The following C4orf50 variants were observed in gnomAD, a reference collection of about 807,000 sequenced individuals.
The protein encoded by C4orf50 is uncharacterized protein C4orf50.
C4orf50 carries 80 observed loss-of-function variants against 77.2 expected under a neutral mutation model. That is an observed-to-expected ratio of 1.04 (90% confidence interval 0.87 to 1.25). The LOEUF (loss-of-function observed/expected upper bound fraction) is 1.25. C4orf50 is among the 50% of genes most tolerant of loss of function. The probability of loss-of-function intolerance (pLI) is 0.00; values close to 1 mark genes in which losing one functional copy is unlikely to be tolerated. For synonymous variants in C4orf50, 532 were observed against 465.3 expected, an observed-to-expected ratio of 1.14 and a Z score of -1.84; for missense variants, 1,257 against 1,152.9, an observed-to-expected ratio of 1.09 and a Z score of -1.31.
chr4:5,960,434 C>T (rs1719210385), intron 33 of C4orf50, among the ~76,000 whole-genome samples: 1 of 152,222 alleles, frequency 6.6e-6, no homozygotes, highest in Non-Finnish European at 1.5e-5. Flanking sequence ...ATGGAGCCGA[C>T]TTCTCCACCA....
intron 7 of C4orf50, among the ~76,000 whole-genome samples, chr4:5,911,158 C>T (rs1431289466): frequency 6.6e-6 from 1 of 152,132 alleles, no homozygotes; most frequent in Non-Finnish European, 1.5e-5. Flanking sequence ...ATCCACCTGC[C>T]TCGGCCTCCC....
intron 24 of C4orf50, among the ~76,000 whole-genome samples, chr4:6,010,113 C>A (rs527872710): frequency 1.3e-5 from 2 of 152,152 alleles, no homozygotes; most frequent in Non-Finnish European, 2.9e-5. Flanking sequence ...GGGTCCAATT[C>A]ACCTCGGAAA....
chr4:5,912,541 A>G (rs549797872), intron 7 of C4orf50, among the ~76,000 whole-genome samples: 1 of 152,320 alleles, frequency 6.6e-6, no homozygotes, highest in South Asian at 2.1e-4. Context: ...ATGGTGAAAG[A>G]GTGCACCAGT....
At chr4:5,968,112 G>A (rs58342227) in intron 31 of C4orf50, among the ~76,000 whole-genome samples, 38 of 152,278 alleles carry the variant, frequency 2.5e-4, no homozygotes, top group African/African-American at 9.1e-4. Context: ...ACTCTTTCCT[G>A]TCTCCACTTC....
At chr4:5,903,279 C>G (rs578152039) in intron 7 of C4orf50, 1 of 152,222 alleles carries the variant, frequency 6.6e-6, no homozygotes, top group South Asian at 2.1e-4. Flanking sequence ...TATATGAAAT[C>G]TCTTGGTTTT....
At chr4:5,972,098 G>C (rs543310792) in intron 31 of C4orf50, among the ~76,000 whole-genome samples, 19 of 149,902 alleles carry the variant, frequency 1.3e-4, no homozygotes, top group African/African-American at 3.4e-4. Context: ...TCCACTTCCC[G>C]GGTTCAAGAG....
rs530952157 is a variant in C4orf50 at position 6,000,928 on chromosome 4, G to A, written c.964-6452C>T. On this transcript the variant is annotated intron_variant, in intron 25 of 33. Transcript: ENST00000531445. This position sits in a 1 kb window ranked among gnomAD's most constrained non-coding sequence, Gnocchi z 6.0. The stretch of plus-strand genomic sequence containing the variant: ...CCCCAAAGGGATGTTATTAGGAAGC[G>A]GTGCTGAGTCCCCTCCAAGGGCAAC... Among the ~76,000 whole-genome samples, 251 of 152,286 alleles carry A rather than the reference G, an allele frequency of 1.6e-3. 1 individual carries two copies. The highest frequency in any genetic ancestry group is 5.7e-3 in the African/African-American group (237 of 41,552).
At position 5,908,499 on chromosome 4, in the gene C4orf50, T is replaced by G. The variant is rs1244435579; in HGVS notation, c.*2475-10311A>C. On this transcript the variant is annotated intron_variant, in intron 7 of 7. Transcript: ENST00000324058. This position sits in a 1 kb window ranked among gnomAD's most constrained non-coding sequence, Gnocchi z 5.6. ...ACTAGGCTACAGCCTCCCTTCAGAG[T>G]CCAGTGGAGGAAGCAAATGTGTGAA... Among the ~76,000 whole-genome samples the G allele has an allele frequency of 6.6e-6, 1 of 151,596 alleles. No homozygotes were observed. The highest frequency in any genetic ancestry group is 1.5e-5 in the Non-Finnish European group (1 of 67,942).
intron 7 of C4orf50, among the ~76,000 whole-genome samples, chr4:5,924,419 G>A (rs1482743936): frequency 2.0e-5 from 3 of 152,142 alleles, no homozygotes; most frequent in Non-Finnish European, 4.4e-5. Flanking sequence ...CTATCTTAGC[G>A]AGAACTGGGA....
chr4:5,953,302 G>C (rs1320381955), downstream of C4orf50, among the ~76,000 whole-genome samples: 2 of 152,138 alleles, frequency 1.3e-5, no homozygotes, highest in Non-Finnish European at 2.9e-5. Flanking sequence ...ACTGAGTTTG[G>C]GCTGGTTTCT....
At chr4:5,988,529 T>C in exon 28 of C4orf50, 1 of 1,537,740 alleles carries the variant, frequency 6.5e-7, no homozygotes, top group Non-Finnish European at 8.7e-7. Flanking sequence ...GCACCGCGTC[T>C]GGAATTCCCG....
rs1298682909 is a variant in C4orf50 at position 5,970,251 on chromosome 4, A to G, written c.4105-2789T>C. ...TGAGCCCTGCTCACTCAAGGCGTCC[A>G]GGGGACAAGGCGGAATTAAGAACTC... is the stretch of plus-strand genomic sequence containing the variant. On this transcript the variant is annotated intron_variant, in intron 31 of 33. Transcript: ENST00000531445. This position sits in a 1 kb window ranked among gnomAD's most constrained non-coding sequence, Gnocchi z 4.3. Among the ~76,000 whole-genome samples the G allele has an allele frequency of 1.3e-5, 2 of 152,126 alleles. No individual in the cohort carries two copies. Among genetic ancestry groups the G allele is most frequent in the Non-Finnish European group, 2.9e-5 (2 of 68,018 alleles).
intron 32 of C4orf50, among the ~76,000 whole-genome samples, chr4:5,966,881 C>T (rs1438424618): frequency 3.3e-5 from 5 of 152,096 alleles, no homozygotes; most frequent in Non-Finnish European, 2.9e-5. Context: ...ATCTCTTGAC[C>T]TCGTGATCCG....
intron 32 of C4orf50, among the ~76,000 whole-genome samples, chr4:5,965,446 C>T (rs1184162693): frequency 1.3e-5 from 2 of 152,228 alleles, no homozygotes; most frequent in African/African-American, 4.8e-5. Flanking sequence ...CTTTGCAAGC[C>T]GGCTTAGCTT....
At position 5,905,083 on chromosome 4, in the gene C4orf50, T is replaced by C. The variant is rs1023590732; in HGVS notation, c.*2475-6895A>G. On this transcript the variant is annotated intron_variant, in intron 7 of 7. Coordinates refer to the C4orf50 transcript ENST00000324058. The surrounding 1 kb of genome is among the most constrained non-coding windows in gnomAD (Gnocchi z 5.4). The stretch of plus-strand genomic sequence containing the variant: ...TCAGAGCAAAACTGTCAAGTAGGCA[T>C]ATGACCCTCAAACAGACGAAGAAGA... The C allele has an allele frequency of 1.3e-5, 2 of 152,210 alleles. No individual in the cohort carries two copies. The highest frequency in any genetic ancestry group is 2.9e-5 in the Non-Finnish European group (2 of 68,042). 9.4% of individuals were successfully genotyped at this position (152,210 alleles called of 1,614,324 possible). A position where few individuals can be genotyped will look rare whatever the true frequency, so the allele number is the denominator to read the frequency against.
At chr4:5,988,798 C>T (rs1224857903) in exon 28 of C4orf50, 23 of 1,535,976 alleles carry the variant, frequency 1.5e-5, no homozygotes, top group Middle Eastern at 1.7e-4. Flanking sequence ...ACTTAAGGCC[C>T]GGATCATGTC....
chr4:5,988,663 T>C (rs1037724376), exon 28 of C4orf50: 2 of 1,535,982 alleles, frequency 1.3e-6, no homozygotes, highest in African/African-American at 1.4e-5. Context: ...GTCTAGAGCG[T>C]GCATCTTGGC....
intron 25 of C4orf50, among the ~76,000 whole-genome samples, chr4:6,001,979 G>C (rs1452493802): frequency 2.6e-5 from 4 of 152,238 alleles, no homozygotes. Context: ...ACCTGGAGGA[G>C]GAGAAGAGAC....
At chr4:5,909,030 A>G (rs1016872353) in intron 7 of C4orf50, among the ~76,000 whole-genome samples, 1 of 152,068 alleles carries the variant, frequency 6.6e-6, no homozygotes, top group Non-Finnish European at 1.5e-5. Flanking sequence ...GTCCCCACAC[A>G]ATCCACTCTA....
Sources: gnomAD v4.1 joint callset for allele counts (sites outside exome capture counted in the v4.1 genomes callset) on GRCh38, gnomAD v4.1.1 for gene constraint, Gnocchi (gnomAD v3.1) non-coding constraint, MANE v1.5 for transcripts, NCBI Gene and HGNC (gene_info 2026-07-23, HGNC 2026-07-21) for gene names.